Variants in CDC42 observed in about 807,000 individuals in gnomAD.
The protein encoded by CDC42 is cell division control protein 42 homolog.
Under a neutral mutation model 20.8 loss-of-function variants are expected in CDC42, and 1 was observed. That is an observed-to-expected ratio of 0.05 (90% CI 0.02 to 0.23). CDC42 has a LOEUF of 0.23. Among genes scored for constraint, CDC42 ranks in the 10% least tolerant of loss-of-function variants. The pLI, the probability that CDC42 is intolerant of heterozygous loss-of-function variation, is 1.00. For synonymous variants in CDC42, 72 were observed against 84.8 expected (o/e 0.85, Z 0.83); for missense variants, 49 against 227.9 (o/e 0.21, Z 5.05).
chr1:22,084,973 T>C (rs1002666181), intron 3 of CDC42, among the ~76,000 whole-genome samples: 16 of 152,150 alleles, frequency 1.1e-4, no homozygotes, highest in Non-Finnish European at 1.5e-5. Flanking sequence ...GGCTCACACC[T>C]GTAATCTTAG....
intron 1 of CDC42, among the ~76,000 whole-genome samples, chr1:22,055,040 G>A (rs1267774559): frequency 3.0e-5 from 4 of 135,462 alleles, no homozygotes; most frequent in African/African-American, 8.4e-5. Flanking sequence ...TGCAAGCTCC[G>A]CCTCCCAGGT....
intron 3 of CDC42, among the ~76,000 whole-genome samples, chr1:22,082,875 A>ATTTTTTTTTTTTTTTTTTT (rs3036839): frequency 1.4e-5 from 2 of 140,212 alleles, no homozygotes. Flanking sequence ...CACAGAGAAA[A>ATTTTTTTTTTTTTTTTTTT]TTTTTATTTT....
At chr1:22,090,144 A>G (rs1332997271) in intron 5 of CDC42, 4 of 1,443,094 alleles carry the variant, frequency 2.8e-6, no homozygotes, top group Non-Finnish European at 2.8e-6. Context: ...GCGTCTTTTT[A>G]CTCACCACCT....
chr1:22,090,580 C>T (rs1645705819), intron 5 of CDC42: 2 of 985,864 alleles, frequency 2.0e-6, no homozygotes, highest in Non-Finnish European at 2.4e-6. Context: ...ATTTGTCAGT[C>T]TGGGGTGGGG....
chr1:22,058,106 T>C (rs1645323794), intron 1 of CDC42, among the ~76,000 whole-genome samples: 2 of 152,188 alleles, frequency 1.3e-5, no homozygotes, highest in Non-Finnish European at 2.9e-5. Flanking sequence ...CAGTATAGTC[T>C]GTGGACCCAT....
intron 1 of CDC42, among the ~76,000 whole-genome samples, chr1:22,075,464 C>T (rs947902950): frequency 4.6e-5 from 7 of 152,178 alleles, no homozygotes; most frequent in African/African-American, 1.7e-4. Context: ...GTACAGTTAT[C>T]CATCTGTATC....
intron 1 of CDC42, among the ~76,000 whole-genome samples, chr1:22,068,175 A>G (rs947461114): frequency 2.0e-5 from 3 of 152,206 alleles, no homozygotes; most frequent in African/African-American, 7.2e-5. Context: ...TATGACATCC[A>G]TTACACATCT....
intron 1 of CDC42, among the ~76,000 whole-genome samples, chr1:22,058,329 G>C (rs1363871973): frequency 6.6e-6 from 1 of 152,124 alleles, no homozygotes; most frequent in Non-Finnish European, 1.5e-5. Context: ...GCATAACCTG[G>C]TTTATTTTAG....
At position 22,091,791 on chromosome 1, in the gene CDC42, G is replaced by GTTTTTTTTTTTTTTT. The variant is rs150558595; in HGVS notation, c.*275_*276insTTTTTTTTTTTTTTT. ...TCAAAAAAAAAATTTTTGTGTGTGT[G>GTTTTTTTTTTTTTTT]TGTTTTTTTTTTTTTTTTTTTTGTT... is the stretch of plus-strand genomic sequence containing the variant. On this transcript the variant is annotated 3_prime_UTR_variant, in exon 6 of 6. Coordinates refer to ENST00000656825, the MANE Select transcript of CDC42 (RefSeq NM_001791.4). The GTTTTTTTTTTTTTTT allele has an allele frequency of 7.7e-5, 6 of 77,878 alleles. 1 individual carries two copies. The highest frequency in any genetic ancestry group is 6.6e-5 in the Non-Finnish European group (3 of 45,188). 4.8% of individuals were successfully genotyped at this position (77,878 alleles called of 1,614,324 possible).
rs1394590899 is a variant in CDC42 at position 22,100,759 on chromosome 1, T to A, written c.*9242T>A. 1 of 151,924 alleles carries A rather than the reference T, an allele frequency of 6.6e-6. No individual in the cohort carries two copies. Among genetic ancestry groups the A allele is most frequent in the South Asian group, 2.1e-4 (1 of 4,806 alleles). The allele number at this position is 151,924 out of a possible 1,614,324, so 9.4% of individuals were successfully genotyped here. A position where few individuals can be genotyped will look rare whatever the true frequency, so the allele number is the denominator to read the frequency against. ...CTCATACTCATTGCCAGGAGTAGAGTAAGGCTTTTAATTTCATCTCTAACC... is the reference window on the plus strand; with the variant it reads ...CTCATACTCATTGCCAGGAGTAGAGAAAGGCTTTTAATTTCATCTCTAACC... On this transcript the variant is annotated 3_prime_UTR_variant, in exon 6 of 6. Coordinates refer to ENST00000656825, the MANE Select transcript of CDC42 (RefSeq NM_001791.4).
At chr1:22,062,529 T>A (rs1645377581) in intron 1 of CDC42, among the ~76,000 whole-genome samples, 1 of 152,214 alleles carries the variant, frequency 6.6e-6, no homozygotes, top group Non-Finnish European at 1.5e-5. Flanking sequence ...TACTCTGTGC[T>A]GATTCTGAAA....
chr1:22,085,095 G>C (rs541464439), intron 3 of CDC42, among the ~76,000 whole-genome samples: 1 of 151,930 alleles, frequency 6.6e-6, no homozygotes, highest in Admixed American at 6.6e-5. Flanking sequence ...AGCCTGGTGC[G>C]GTGGTGTGTG....
intron 1 of CDC42, among the ~76,000 whole-genome samples, chr1:22,074,613 C>T (rs1157178189): frequency 6.6e-6 from 1 of 151,788 alleles, no homozygotes; most frequent in Non-Finnish European, 1.5e-5. Flanking sequence ...GAGGTCAGGT[C>T]TTAACTATGT....
At chr1:22,057,685 A>C (rs1011128850) in intron 1 of CDC42, among the ~76,000 whole-genome samples, 5 of 151,648 alleles carry the variant, frequency 3.3e-5, no homozygotes, top group Non-Finnish European at 5.9e-5. Flanking sequence ...TGTCTAGCCC[A>C]AAAACATTTC....
chr1:22,098,086 G>T lies in CDC42; in HGVS notation c.*6569G>T, dbSNP rs1418270141. Among the ~76,000 whole-genome samples, 4 of 152,154 alleles carry T rather than the reference G, an allele frequency of 2.6e-5. No homozygotes were observed. Among genetic ancestry groups the T allele is most frequent in the Non-Finnish European group, 5.9e-5 (4 of 68,036 alleles). On this transcript the variant is annotated 3_prime_UTR_variant, in exon 6 of 6. Coordinates refer to ENST00000656825, the MANE Select transcript of CDC42 (RefSeq NM_001791.4). The stretch of plus-strand genomic sequence containing the variant: ...TCTCGGTGTGAACTGTGGATCACTT[G>T]TCTCAGTCATCAGGATTCCTGGACC...
At chr1:22,090,204 A>T (rs1645702213) in intron 5 of CDC42, 25 of 1,280,022 alleles carry the variant, frequency 2.0e-5, no homozygotes, top group Non-Finnish European at 2.5e-5. Context: ...TATCATATAA[A>T]TTTTTTGTGA....
At chr1:22,053,406 G>A (rs1164053354) in intron 1 of CDC42, 1 of 152,154 alleles carries the variant, frequency 6.6e-6, no homozygotes, top group African/African-American at 2.4e-5. Flanking sequence ...CCCGAGCCAC[G>A]GCCTCCAGGC....
chr1:22,084,748 C>G (rs954208355), intron 3 of CDC42, among the ~76,000 whole-genome samples: 1 of 151,948 alleles, frequency 6.6e-6, no homozygotes, highest in African/African-American at 2.4e-5. Flanking sequence ...ATCTTTTGCC[C>G]TATGTTTTCT....
At chr1:22,052,875 G>T (rs1645250865) in intron 1 of CDC42, 133 bp downstream of exon 1, 1 of 152,446 alleles carries the variant, frequency 6.6e-6, no homozygotes, top group East Asian at 1.9e-4. Flanking sequence ...ACGGGTTGTG[G>T]GGGAGTGCCC....
Sources: allele counts gnomAD v4.1 joint callset (sites outside exome capture counted in the v4.1 genomes callset), GRCh38; gene constraint gnomAD v4.1.1; transcripts MANE v1.5; gene names NCBI Gene and HGNC (gene_info 2026-07-23, HGNC 2026-07-21).